Variants in KLF3 observed in about 807,000 individuals in gnomAD.
KLF3 encodes the protein Krueppel-like factor 3.
In KLF3, 6 loss-of-function variants were observed where a neutral mutation model predicts 32.7. The observed-to-expected ratio is 0.18, with a 90% CI of 0.10 to 0.36. KLF3 has a LOEUF of 0.36. Ranked by LOEUF, KLF3 falls within the 10% of genes least tolerant of loss-of-function variation. KLF3 has a pLI of 1.00. For synonymous variants in KLF3, 145 were observed against 172.8 expected (o/e 0.84, Z 1.26); for missense variants, 338 against 449.7 (o/e 0.75, Z 2.25).
chr4:38,701,362 G>C lies in KLF3; in HGVS notation c.*4099G>C, dbSNP rs946553860. On this transcript the variant is annotated 3_prime_UTR_variant, in exon 6 of 6. Coordinates refer to ENST00000261438, the MANE Select transcript of KLF3 (RefSeq NM_016531.6). Reference sequence around the variant, plus strand: ...ATTTGTTATTTATGAACCCCTGCCTGCTTCCAAAAAGAACTTGCAGCATTT... The same window carrying C: ...ATTTGTTATTTATGAACCCCTGCCTCCTTCCAAAAAGAACTTGCAGCATTT... Among the ~76,000 whole-genome samples the C allele has an allele frequency of 6.7e-6, 1 of 148,418 alleles. No homozygotes were observed. The highest frequency in any genetic ancestry group is 1.5e-5 in the Non-Finnish European group (1 of 66,612).
chr4:38,673,519 G>A (rs1287270407), intron 1 of KLF3, among the ~76,000 whole-genome samples: 1 of 152,236 alleles, frequency 6.6e-6, no homozygotes, highest in East Asian at 1.9e-4. Context: ...TGGGTTGCCT[G>A]CCCTTAAAAC....
intron 2 of KLF3, among the ~76,000 whole-genome samples, chr4:38,686,008 T>C (rs1306102763): frequency 6.6e-6 from 1 of 152,228 alleles, no homozygotes; most frequent in Admixed American, 6.5e-5. Context: ...ATCTCTTGCG[T>C]TGGTACTGTG....
intron 1 of KLF3, among the ~76,000 whole-genome samples, chr4:38,679,216 C>T (rs200654605): frequency 3.4e-4 from 52 of 152,086 alleles, no homozygotes; most frequent in Admixed American, 5.2e-4. Flanking sequence ...GCTTAGAAAA[C>T]AATAAGAAGT....
chr4:38,664,255 G>GGGAGCCAGGAGC lies in KLF3; in HGVS notation c.-239_-228dup, dbSNP rs1721906219. On this transcript the variant is annotated 5_prime_UTR_variant, in exon 1 of 6. Coordinates refer to ENST00000261438, the MANE Select transcript of KLF3 (RefSeq NM_016531.6). ...CCGGAGTTGGTGCCAGGAGCCAGAG[G>GGGAGCCAGGAGC]GGAGCCAGGAGCGGAGCCGCGCGGA... 6.6e-6 allele frequency: 1 copy of GGGAGCCAGGAGC among 152,082 alleles called. No homozygotes were observed. The highest frequency in any genetic ancestry group is 6.6e-5 in the Admixed American group (1 of 15,256). The allele number at this position is 152,082 out of a possible 1,614,324, so 9.4% of individuals were successfully genotyped here. A position where few individuals can be genotyped will look rare whatever the true frequency, so the allele number is the denominator to read the frequency against.
chr4:38,694,095 T>C (rs971796176), intron 4 of KLF3, among the ~76,000 whole-genome samples: 16 of 152,336 alleles, frequency 1.1e-4, no homozygotes, highest in Admixed American at 5.9e-4. Context: ...GGTTTGAGTT[T>C]GTGAAGACAG....
chr4:38,666,652 C>A (rs1323041120), intron 1 of KLF3, among the ~76,000 whole-genome samples: 1 of 152,128 alleles, frequency 6.6e-6, no homozygotes, highest in South Asian at 2.1e-4. Flanking sequence ...TCTTAAAAGG[C>A]GAATTTCTAT....
chr4:38,671,707 C>T lies in KLF3; in HGVS notation c.-40+7246C>T, dbSNP rs73232884. ...TGTGATGTTAGGCAGGTTACTTGAC[C>T]TCTCTGTTTCAGTGTTCTTTTCAGT... On this transcript the variant is annotated intron_variant, in intron 1 of 5. Transcript: ENST00000261438. The surrounding 1 kb of genome is among the most constrained non-coding windows in gnomAD (Gnocchi z 4.4). 6.6e-6 allele frequency among the ~76,000 whole-genome samples: 1 copy of T among 152,134 alleles called. No individual in the cohort carries two copies. The highest frequency in any genetic ancestry group is 1.9e-4 in the East Asian group (1 of 5,192).
chr4:38,676,501 G>C (rs2109242106), intron 1 of KLF3, among the ~76,000 whole-genome samples: 1 of 152,194 alleles, frequency 6.6e-6, no homozygotes, highest in South Asian at 2.1e-4. Context: ...GTAGAAAGCT[G>C]TCCCACCCAC....
chr4:38,673,647 G>A (rs1253538728), intron 1 of KLF3, among the ~76,000 whole-genome samples: 1 of 152,192 alleles, frequency 6.6e-6, no homozygotes, highest in Non-Finnish European at 1.5e-5. Context: ...AGATGGCCTT[G>A]AACTTAGAGG....
chr4:38,686,144 A>G (rs1211268029), intron 2 of KLF3, among the ~76,000 whole-genome samples: 2 of 152,014 alleles, frequency 1.3e-5, no homozygotes, highest in Admixed American at 6.6e-5. Context: ...GTTTTTAAGC[A>G]GTATTAGTAG....
intron 2 of KLF3, among the ~76,000 whole-genome samples, chr4:38,681,466 C>T (rs556732316): frequency 1.3e-4 from 20 of 152,282 alleles, no homozygotes; most frequent in Admixed American, 3.9e-4. Flanking sequence ...GTAGGAATTA[C>T]GTTCATTGTC....
chr4:38,693,364 A>G (rs1722944185), intron 4 of KLF3, among the ~76,000 whole-genome samples: 1 of 151,196 alleles, frequency 6.6e-6, no homozygotes, highest in Non-Finnish European at 1.5e-5. Context: ...AAAAAAAAGC[A>G]TGAGAAGTAA....
In KLF3 at chr4:38,694,736, G is replaced by A. The variant is rs1350819432; in HGVS notation, c.696-10G>A. On this transcript the variant is annotated splice_polypyrimidine_tract_variant and intron_variant, in intron 4 of 5. Coordinates refer to ENST00000261438, the MANE Select transcript of KLF3 (RefSeq NM_016531.6). ...TCTCAACATTTGGCCTGTAACCTTG[G>A]CTTTCACAGGAATCACCCTTCGGTC... 1 of 1,543,538 alleles carries A rather than the reference G, an allele frequency of 6.5e-7. No individual in the cohort carries two copies. The highest frequency in any genetic ancestry group is 8.7e-7 in the Non-Finnish European group (1 of 1,154,162).
rs915422541 is a variant in KLF3, at chr4:38,688,531, C to A, written c.58-54C>A. 1 of 1,510,182 alleles carries A rather than the reference C, an allele frequency of 6.6e-7. No homozygotes were observed. The allele number at this position is 1,510,182 out of a possible 1,614,324, so 93.5% of individuals were successfully genotyped here. A position where few individuals can be genotyped will look rare whatever the true frequency, so the allele number is the denominator to read the frequency against. On this transcript the variant is annotated intron_variant, in intron 2 of 5. Transcript: ENST00000261438. The surrounding 1 kb of genome is among the most constrained non-coding windows in gnomAD (Gnocchi z 4.9). ...AGCATATTTTTCTTAATTCATGTTT[C>A]AAGTAAATGGACTTATTTGGCTGTT...
In KLF3 at chr4:38,671,351, A is replaced by G. The variant is rs76754439; in HGVS notation, c.-40+6890A>G. Among the ~76,000 whole-genome samples, 3,596 of 152,328 alleles carry G rather than the reference A, an allele frequency of 0.024. 75 individuals are homozygous for G. The highest frequency in any genetic ancestry group is 0.1 in the South Asian group (501 of 4,830). ...ATTTTTCTCAGCAGTTATATCGACAATGCAGGTGCACTGGCTAGGAAGAAT... is the reference window on the plus strand; with the variant it reads ...ATTTTTCTCAGCAGTTATATCGACAGTGCAGGTGCACTGGCTAGGAAGAAT... On this transcript the variant is annotated intron_variant, in intron 1 of 5. Transcript: ENST00000261438. This position sits in a 1 kb window ranked among gnomAD's most constrained non-coding sequence, Gnocchi z 4.4.
intron 1 of KLF3, among the ~76,000 whole-genome samples, chr4:38,673,154 G>A (rs1722249795): frequency 1.3e-5 from 2 of 152,354 alleles, no homozygotes; most frequent in Non-Finnish European, 2.9e-5. Flanking sequence ...AGGAGCAGAG[G>A]AATGATCACA....
chr4:38,667,999 A>G (rs1722093382), intron 1 of KLF3, among the ~76,000 whole-genome samples: 3 of 152,356 alleles, frequency 2.0e-5, no homozygotes, highest in South Asian at 4.1e-4. Context: ...ACTGTGCAAT[A>G]TTCTACACCT....
At chr4:38,692,146 C>T (rs921230745) in intron 4 of KLF3, among the ~76,000 whole-genome samples, 1 of 152,108 alleles carries the variant, frequency 6.6e-6, no homozygotes, top group Non-Finnish European at 1.5e-5. Context: ...GTTGTGTATG[C>T]GAATTATAGC....
At chr4:38,696,696 C>G (rs561098011) in intron 5 of KLF3, among the ~76,000 whole-genome samples, 23 of 152,312 alleles carry the variant, frequency 1.5e-4, no homozygotes, top group East Asian at 5.8e-4. Flanking sequence ...CACAAACTTT[C>G]AATTTGGAGT....
Sources: allele counts gnomAD v4.1 joint callset (sites outside exome capture counted in the v4.1 genomes callset), GRCh38; gene constraint gnomAD v4.1.1; non-coding constraint Gnocchi (gnomAD v3.1); transcripts MANE v1.5; gene names NCBI Gene and HGNC (gene_info 2026-07-23, HGNC 2026-07-21).